The following QTMAN variants were observed in gnomAD, a reference collection of about 807,000 sequenced individuals.
QTMAN encodes the protein tRNA-queuosine alpha-mannosyltransferase.
the QTMAN span, chr2:144,178,779 G>A: frequency 1.1e-4 from 36 of 335,484 alleles, no homozygotes; most frequent in African/African-American, 7.8e-4. Flanking sequence ...TTTAGAGAAA[G>A]TAAAAAGGGT....
At chr2:144,308,462 G>C in the QTMAN span, among the ~76,000 whole-genome samples, 3 of 152,036 alleles carry the variant, frequency 2.0e-5, no homozygotes, top group African/African-American at 7.2e-5. Flanking sequence ...ACCATGCCTG[G>C]CCATGATTAG....
chr2:144,270,463 T>C, the QTMAN span, among the ~76,000 whole-genome samples: 1 of 152,224 alleles, frequency 6.6e-6, no homozygotes, highest in Non-Finnish European at 1.5e-5. Flanking sequence ...AACCATGGAA[T>C]ACTTTGCAGC....
At chr2:143,998,789 A>G in the QTMAN span, among the ~76,000 whole-genome samples, 11 of 152,072 alleles carry the variant, frequency 7.2e-5, no homozygotes, top group Non-Finnish European at 1.2e-4. Context: ...AAAATGCATT[A>G]TTCTATTTTA....
the QTMAN span, among the ~76,000 whole-genome samples, chr2:144,159,894 G>A: frequency 3.3e-5 from 5 of 152,088 alleles, no homozygotes; most frequent in Non-Finnish European, 7.4e-5. Context: ...TTACAAGTGA[G>A]CCAATGTGTA....
the QTMAN span, among the ~76,000 whole-genome samples, chr2:144,065,004 G>A: frequency 6.6e-6 from 1 of 152,198 alleles, no homozygotes; most frequent in Non-Finnish European, 1.5e-5. Flanking sequence ...TTGGGGTGAG[G>A]AAGATAACAA....
the QTMAN span, among the ~76,000 whole-genome samples, chr2:144,289,731 TA>T: frequency 1.3e-5 from 2 of 152,272 alleles, no homozygotes; most frequent in East Asian, 3.9e-4. Context: ...GCTAATGGAT[TA>T]AACACTATAA....
At chr2:144,188,434 G>A in the QTMAN span, among the ~76,000 whole-genome samples, 1 of 152,160 alleles carries the variant, frequency 6.6e-6, no homozygotes, top group African/African-American at 2.4e-5. Flanking sequence ...CCTAAAAAGT[G>A]AGATTTAACA....
the QTMAN span, among the ~76,000 whole-genome samples, chr2:144,057,894 G>A: frequency 1.3e-5 from 2 of 151,910 alleles, no homozygotes; most frequent in East Asian, 3.9e-4. Flanking sequence ...GCACAGGCTG[G>A]CCTTGAACTC....
chr2:144,191,099 T>C, the QTMAN span, among the ~76,000 whole-genome samples: 1 of 152,240 alleles, frequency 6.6e-6, no homozygotes, highest in Admixed American at 6.5e-5. Flanking sequence ...AACAGTTTTA[T>C]GCATATTGCC....
At chr2:144,280,637 A>G in the QTMAN span, among the ~76,000 whole-genome samples, 3 of 152,218 alleles carry the variant, frequency 2.0e-5, no homozygotes, top group Non-Finnish European at 2.9e-5. Context: ...CATAAAGTGA[A>G]TAACTCTACA....
the QTMAN span, among the ~76,000 whole-genome samples, chr2:144,102,116 A>T: frequency 6.6e-6 from 1 of 152,252 alleles, no homozygotes; most frequent in Non-Finnish European, 1.5e-5. Context: ...TGGTCTGGTA[A>T]ATGACAGAGC....
chr2:144,119,122 G>A, the QTMAN span, among the ~76,000 whole-genome samples: 1 of 152,260 alleles, frequency 6.6e-6, no homozygotes, highest in African/African-American at 2.4e-5. Flanking sequence ...GGAACTATGG[G>A]TTAGGTTTAG....
At chr2:144,283,940 G>A in the QTMAN span, among the ~76,000 whole-genome samples, 1 of 151,208 alleles carries the variant, frequency 6.6e-6, no homozygotes, top group South Asian at 2.1e-4. Flanking sequence ...CTCCAAACCT[G>A]GAGAAAATAT....
chr2:144,239,884 C>T, the QTMAN span, among the ~76,000 whole-genome samples: 1 of 152,144 alleles, frequency 6.6e-6, no homozygotes, highest in Non-Finnish European at 1.5e-5. Flanking sequence ...CCAATCTAGC[C>T]TCTGGGCATA....
the QTMAN span, among the ~76,000 whole-genome samples, chr2:144,281,220 G>A: frequency 3.3e-5 from 5 of 151,452 alleles, no homozygotes; most frequent in African/African-American, 4.9e-5. Context: ...TCAGAGAAGC[G>A]AAGAATTCTC....
the QTMAN span, among the ~76,000 whole-genome samples, chr2:144,071,864 C>T: frequency 6.6e-6 from 1 of 152,122 alleles, no homozygotes; most frequent in Non-Finnish European, 1.5e-5. Flanking sequence ...ATATCACACT[C>T]TTAAATCTTA....
At chr2:144,052,677 G>A in the QTMAN span, among the ~76,000 whole-genome samples, 2 of 152,072 alleles carry the variant, frequency 1.3e-5, no homozygotes, top group East Asian at 3.9e-4. Flanking sequence ...TTGAGATGGA[G>A]TTTCGCTTTT....
the QTMAN span, among the ~76,000 whole-genome samples, chr2:143,976,009 C>G: frequency 6.6e-6 from 1 of 152,126 alleles, no homozygotes; most frequent in African/African-American, 2.4e-5. Flanking sequence ...TTATAGAGCT[C>G]CTGTTACATT....
the QTMAN span, among the ~76,000 whole-genome samples, chr2:144,203,188 T>TGCGC: frequency 6.8e-6 from 1 of 146,130 alleles, no homozygotes; most frequent in Non-Finnish European, 1.5e-5. Flanking sequence ...TGTGTGTGTG[T>TGCGC]GTGCACGTGC....
Sources: gnomAD v4.1 joint callset for allele counts (sites outside exome capture counted in the v4.1 genomes callset) on GRCh38, gnomAD v4.1.1 for gene constraint, MANE v1.5 for transcripts, NCBI Gene and HGNC (gene_info 2026-07-23, HGNC 2026-07-21) for gene names.